The following PHLDB2 variants were observed in gnomAD, a reference collection of about 807,000 sequenced individuals.
PHLDB2 encodes the protein pleckstrin homology-like domain family B member 2.
A neutral mutation model predicts 123.6 loss-of-function variants in PHLDB2; 71 were observed. The ratio of observed to expected loss-of-function variants is 0.57; its 90% confidence interval spans 0.47 to 0.70. The LOEUF (loss-of-function observed/expected upper bound fraction) is 0.70. Among genes scored for constraint, PHLDB2 ranks in the 30% least tolerant of loss-of-function variants. The probability of loss-of-function intolerance (pLI) is 0.00; values close to 1 mark genes in which losing one functional copy is unlikely to be tolerated. For missense variants in PHLDB2, 1,446 were observed against 1,519.5 expected, an observed-to-expected ratio of 0.95 and a Z score of 0.80; for synonymous variants, 547 against 541.6, an observed-to-expected ratio of 1.01 and a Z score of -0.14.
At chr3:111,745,625 A>G (rs563338465) in intron 1 of PHLDB2, among the ~76,000 whole-genome samples, 3 of 152,220 alleles carry the variant, frequency 2.0e-5, no homozygotes, top group Admixed American at 2.0e-4. Flanking sequence ...TTAGCTGGGC[A>G]TGGTGACACA....
At chr3:111,961,023 G>A (rs1011930717) in intron 12 of PHLDB2, among the ~76,000 whole-genome samples, 4 of 152,154 alleles carry the variant, frequency 2.6e-5, no homozygotes, top group Non-Finnish European at 4.4e-5. Context: ...CCAGGTGACC[G>A]AGCACCAGGG....
At chr3:111,933,542 TA>T (rs1559910223) in intron 6 of PHLDB2, among the ~76,000 whole-genome samples, 1 of 152,234 alleles carries the variant, frequency 6.6e-6, no homozygotes. Flanking sequence ...ATAATAGTTT[TA>T]GTATTTATTT....
chr3:111,967,976 A>C (rs989979414), intron 15 of PHLDB2, 152 bp downstream of exon 15: 2 of 72,070 alleles, frequency 2.8e-5, no homozygotes, highest in Non-Finnish European at 4.2e-5. Context: ...ATTCCTGTGC[A>C]AAAAAAAAAA....
intron 3 of PHLDB2, among the ~76,000 whole-genome samples, chr3:111,918,381 A>G (rs1287985626): frequency 6.6e-6 from 1 of 152,256 alleles, no homozygotes; most frequent in African/African-American, 2.4e-5. Flanking sequence ...TAGATGCTAT[A>G]TAGCAAGAAC....
chr3:111,885,745 G>A, intron 2 of PHLDB2: 1 of 606,728 alleles, frequency 1.6e-6, no homozygotes, highest in African/African-American at 1.8e-5. Context: ...AGACTATGAG[G>A]AAATGCTGAC....
chr3:111,962,851 C>A (rs1320058744), intron 13 of PHLDB2, among the ~76,000 whole-genome samples: 2 of 150,824 alleles, frequency 1.3e-5, no homozygotes, highest in African/African-American at 2.4e-5. Flanking sequence ...ATCCCTTAAA[C>A]CCGGGAGGCG....
chr3:111,902,917 T>C (rs2067282047), intron 2 of PHLDB2, among the ~76,000 whole-genome samples: 1 of 152,228 alleles, frequency 6.6e-6, no homozygotes, highest in African/African-American at 2.4e-5. Context: ...GGATTATCGG[T>C]GTGAGCCACC....
At chr3:111,855,511 C>CCTTTCTTT (rs59763316), upstream of PHLDB2, among the ~76,000 whole-genome samples, 5 of 149,872 alleles carry the variant, frequency 3.3e-5, no homozygotes, top group African/African-American at 1.2e-4. Flanking sequence ...TCTTTTCTTT[C>CCTTTCTTT]CTTTCTTTCT....
At chr3:111,968,028 A>T (rs149597148) in intron 15 of PHLDB2, among the ~76,000 whole-genome samples, 9 of 151,130 alleles carry the variant, frequency 6.0e-5, no homozygotes, top group African/African-American at 2.2e-4. Context: ...CTCTTAGGGA[A>T]CCACCAACCA....
chr3:111,952,620 T>C lies in PHLDB2; in HGVS notation c.2680T>C (p.Tyr894His). ...GAAAAAACAGCATAAAGAAGGCCTC[T>C]ATCTGAGTGATACTTTGCCTCGAAA... ...ERKKQHKEGL[Y>H]LSDTLPRKKT... is the part of the protein sequence containing the mutation. The change falls in exon 11 of 18, where the codon TAT becomes CAT. Residue 894 changes from tyrosine to histidine, a missense_variant. Coordinates refer to ENST00000431670, the MANE Select transcript of PHLDB2 (RefSeq NM_001134438.2). The C allele has an allele frequency of 4.3e-6, 7 of 1,613,940 alleles. No individual in the cohort carries two copies. Among genetic ancestry groups the C allele is most frequent in the Non-Finnish European group, 5.9e-6 (7 of 1,179,874 alleles).
At chr3:111,967,857 G>T (rs1249091895) in intron 15 of PHLDB2, 33 bp downstream of exon 15, 41 of 1,564,608 alleles carry the variant, frequency 2.6e-5, no homozygotes, top group Middle Eastern at 1.7e-4. Flanking sequence ...ATATGGGCAG[G>T]TTGCCCCCTG....
At chr3:111,808,409 G>C (rs564901737) in intron 1 of PHLDB2, among the ~76,000 whole-genome samples, 1 of 151,928 alleles carries the variant, frequency 6.6e-6, no homozygotes, top group Non-Finnish European at 1.5e-5. Context: ...GAAAAAGGAG[G>C]TTGCCCTTCA....
intron 1 of PHLDB2, among the ~76,000 whole-genome samples, chr3:111,799,005 G>A (rs1220290355): frequency 6.6e-6 from 1 of 152,172 alleles, no homozygotes; most frequent in Non-Finnish European, 1.5e-5. Flanking sequence ...GGCAGAAGGG[G>A]AAGCAAACAC....
chr3:111,850,743 G>C (rs966408959), intron 2 of PHLDB2, among the ~76,000 whole-genome samples: 1 of 151,816 alleles, frequency 6.6e-6, no homozygotes, highest in African/African-American at 2.4e-5. Context: ...GCCTGGGCAA[G>C]AGAACAAGAC....
At chr3:111,745,236 T>C (rs1236975665) in intron 1 of PHLDB2, among the ~76,000 whole-genome samples, 2 of 152,214 alleles carry the variant, frequency 1.3e-5, no homozygotes, top group African/African-American at 4.8e-5. Context: ...GAAAATTATG[T>C]TGAAGCTTTT....
chr3:111,926,068 C>T (rs2068798584), intron 5 of PHLDB2, among the ~76,000 whole-genome samples: 1 of 152,200 alleles, frequency 6.6e-6, no homozygotes, highest in Non-Finnish European at 1.5e-5. Flanking sequence ...TGTGTCTTCA[C>T]ACAGATGCAT....
chr3:111,767,133 T>C (rs1175195737), intron 1 of PHLDB2, among the ~76,000 whole-genome samples: 1 of 150,570 alleles, frequency 6.6e-6, no homozygotes, highest in Non-Finnish European at 1.5e-5. Context: ...TGCTATGGCA[T>C]CTGTCCCCAG....
At chr3:111,743,123 C>A (rs1211698268) in intron 1 of PHLDB2, among the ~76,000 whole-genome samples, 1 of 152,146 alleles carries the variant, frequency 6.6e-6, no homozygotes, top group African/African-American at 2.4e-5. Context: ...TTCTAAAAAT[C>A]CAGGCTATGA....
intron 5 of PHLDB2, among the ~76,000 whole-genome samples, chr3:111,921,824 G>T (rs1249705873): frequency 6.6e-6 from 1 of 152,088 alleles, no homozygotes; most frequent in Non-Finnish European, 1.5e-5. Flanking sequence ...GGATGGTCTC[G>T]ATCTCCTGAC....
Sources: gnomAD v4.1 joint callset for allele counts (sites outside exome capture counted in the v4.1 genomes callset) on GRCh38, gnomAD v4.1.1 for gene constraint, MANE v1.5 for transcripts, NCBI Gene and HGNC (gene_info 2026-07-23, HGNC 2026-07-21) for gene names.